Variants in KMT5C observed in about 807,000 individuals in gnomAD.
KMT5C encodes lysine methyltransferase 5C, also known as histone-lysine N-methyltransferase KMT5C.
KMT5C carries 16 observed loss-of-function variants against 38.2 expected under a neutral mutation model. That is an observed-to-expected ratio of 0.42 (90% CI 0.28 to 0.64). The LOEUF is 0.64. KMT5C is among the 30% of genes least tolerant of loss of function. The pLI is 0.23. For missense variants in KMT5C, 598 were observed against 665.1 expected, an observed-to-expected ratio of 0.90 and a Z score of 1.11; for synonymous variants, 291 against 279.0, an observed-to-expected ratio of 1.04 and a Z score of -0.43.
chr19:55,342,724 C>A lies in KMT5C; in HGVS notation c.277-18C>A. 3.5e-6 allele frequency: 5 copies of A among 1,448,510 alleles called. No individual in the cohort carries two copies. The highest frequency in any genetic ancestry group is 4.9e-6 in the Non-Finnish European group (5 of 1,029,830). The allele number at this position is 1,448,510 out of a possible 1,614,324, so 89.7% of individuals were successfully genotyped here. A position where few individuals can be genotyped will look rare whatever the true frequency, so the allele number is the denominator to read the frequency against. On this transcript the variant is annotated intron_variant, in intron 3 of 8. Coordinates refer to ENST00000255613, the MANE Select transcript of KMT5C (RefSeq NM_032701.4). ...TGCCCCTGCCCCGCCTCCTCACCCC[C>A]ACCCTCACCCTCACCAGGTCTATCG...
chr19:55,345,924 T>C, intron 6 of KMT5C: 1 of 465,840 alleles, frequency 2.1e-6, no homozygotes, highest in Non-Finnish European at 3.9e-6. Flanking sequence ...CCACAGAGGC[T>C]GGAGGGAGTG....
At position 55,343,876 on chromosome 19, in the gene KMT5C, G is replaced by T. The variant is rs1018310651; in HGVS notation, c.550+33G>T. The T allele has an allele frequency of 6.2e-7, 1 of 1,610,662 alleles. No individual in the cohort carries two copies. Among genetic ancestry groups the T allele is most frequent in the African/African-American group, 1.3e-5 (1 of 74,858 alleles). ...TCAGGCAGGTGGATGGGCAGGACGG[G>T]ATAGAGCCAGGCAGGGCTGGAGGGG... On this transcript the variant is annotated intron_variant, in intron 5 of 8. Transcript: ENST00000255613. This position sits in a 1 kb window ranked among gnomAD's most constrained non-coding sequence, Gnocchi z 5.5.
At position 55,346,266 on chromosome 19, in the gene KMT5C, G is replaced by T. The variant is rs1413071772; in HGVS notation, c.624G>T (p.Glu208Asp). 2 of 1,614,084 alleles carry T rather than the reference G, an allele frequency of 1.2e-6. No individual in the cohort carries two copies. The highest frequency in any genetic ancestry group is 1.7e-5 in the Admixed American group (1 of 60,024). Residue 208 changes from glutamate (E) to aspartate (D), a missense_variant, in exon 7 of 9, where the codon GAG becomes GAT. By Grantham distance (45) the Glu-to-Asp change is conservative. Transcript: ENST00000255613. ...GCGTGAAGGTGCTCCGGGACATTGAGCCTGGGGACGAGGTGACATGCTTCT... is the reference window on the plus strand; with the variant it reads ...GCGTGAAGGTGCTCCGGGACATTGATCCTGGGGACGAGGTGACATGCTTCT... Reference protein sequence around the residue: ...AACVKVLRDIEPGDEVTCFYG... With the variant: ...AACVKVLRDIDPGDEVTCFYG...
rs1404279509 is a variant in KMT5C, at chr19:55,346,680, A to G, written c.888A>G (p.Pro296=). The change falls in exon 8 of 9, where the codon CCA becomes CCG. Residue 296 remains proline (P), a synonymous_variant. Coordinates refer to ENST00000255613, the MANE Select transcript of KMT5C (RefSeq NM_032701.4). ...ACCCATCCCCGCTGCGCCGGGACCC[A>G]TTCTGCGGTGAGCACCCCTCCCTGC... ...CVHPSPLRRD[P]FCAACQPLRL... 5 of 1,560,196 alleles carry G rather than the reference A, an allele frequency of 3.2e-6. No homozygotes were observed. The African/African-American group carries it at 5.4e-5, about 17-fold the overall frequency.
Position 55,342,575 on chromosome 19 carries a change from G to C in KMT5C, c.277-167G>C, listed in dbSNP as rs565061094. 1,278 of 642,744 alleles carry C rather than the reference G, an allele frequency of 2.0e-3. 3 individuals carry two copies. The highest frequency in any genetic ancestry group is 2.9e-3 in the Non-Finnish European group (1,041 of 363,790). The allele number at this position is 642,744 out of a possible 1,614,324, so 39.8% of individuals were successfully genotyped here. A position where few individuals can be genotyped will look rare whatever the true frequency, so the allele number is the denominator to read the frequency against. On this transcript the variant is annotated intron_variant, in intron 3 of 8. Coordinates refer to ENST00000255613, the MANE Select transcript of KMT5C (RefSeq NM_032701.4). ...AGTTGGGGGGGCCCTCTGAGATGTAGTCCAACCTCTTCATTTGACGGATGA... is the reference window on the plus strand; with the variant it reads ...AGTTGGGGGGGCCCTCTGAGATGTACTCCAACCTCTTCATTTGACGGATGA...
rs1263261810 is a variant in KMT5C, at chr19:55,347,261, G to A, written c.1201G>A (p.Val401Met). The part of the protein sequence containing the change: ...HWARRYGLPY[V>M]VRVDLRRLAP... ...GGCCCGGCGCTATGGGCTGCCTTAC[G>A]TGGTGCGTGTGGACCTTCGTCGCCT... The change falls in exon 9 of 9, where the codon GTG becomes ATG. Residue 401 changes from valine (V) to methionine (M), a missense_variant. Physicochemically the swap from Val to Met is conservative, Grantham distance 21. This residue lies in a region of KMT5C where 326 missense variants were observed against 298.1 expected (regional missense o/e 1.09). Transcript: ENST00000255613. This position sits in a 1 kb window ranked among gnomAD's most constrained non-coding sequence, Gnocchi z 4.6. The A allele has an allele frequency of 1.3e-6, 2 of 1,552,342 alleles. No individual in the cohort carries two copies. The highest frequency in any genetic ancestry group is 1.7e-6 in the Non-Finnish European group (2 of 1,151,464).
At position 55,347,482 on chromosome 19, in the gene KMT5C, G is replaced by A. The variant is rs773792596; in HGVS notation, c.*33G>A. Reference sequence around the variant, plus strand: ...GACGGGGAGGCCCAGCAGGGAGAGAGGGTCTCTCTCCTAGCTGCTACCCAG... The same window carrying A: ...GACGGGGAGGCCCAGCAGGGAGAGAAGGTCTCTCTCCTAGCTGCTACCCAG... On this transcript the variant is annotated 3_prime_UTR_variant, in exon 9 of 9. Transcript: ENST00000255613. This position sits in a 1 kb window ranked among gnomAD's most constrained non-coding sequence, Gnocchi z 4.6. 2.7e-5 allele frequency: 41 copies of A among 1,509,110 alleles called. No homozygotes were observed. The highest frequency in any genetic ancestry group is 4.3e-5 in the Admixed American group (2 of 46,582). 93.5% of individuals were successfully genotyped at this position (1,509,110 alleles called of 1,614,324 possible).
rs543545701 is a variant in KMT5C at position 55,343,359 on chromosome 19, T to C, written c.387-321T>C. 6.3e-4 allele frequency: 243 copies of C among 383,424 alleles called. No individual in the cohort carries two copies. The highest frequency in any genetic ancestry group is 4.4e-3 in the African/African-American group (213 of 48,464). 23.8% of individuals were successfully genotyped at this position (383,424 alleles called of 1,614,324 possible). A position where few individuals can be genotyped will look rare whatever the true frequency, so the allele number is the denominator to read the frequency against. ...CCGCCTGAGGGTCTGGTGGGGCGAG[T>C]AGGGGGTAGTCCAGGCAGGAGGGAT... On this transcript the variant is annotated intron_variant, in intron 4 of 8. Transcript: ENST00000255613. The surrounding 1 kb of genome is among the most constrained non-coding windows in gnomAD (Gnocchi z 5.5).
chr19:55,342,771 G>A lies in KMT5C; in HGVS notation c.306G>A (p.Pro102=), dbSNP rs750916330. ...HVYRYLRAFL[P]ESGFTILPCT... ...ATCGCTACCTCCGTGCCTTCCTGCC[G>A]GAAAGTGGCTTTACCATCCTGCCCT... is the stretch of plus-strand genomic sequence containing the variant. The change falls in exon 4 of 9, where the codon CCG becomes CCA. Residue 102 remains proline (P), a synonymous_variant. Transcript: ENST00000255613. The A allele has an allele frequency of 3.3e-5, 54 of 1,612,454 alleles. 1 individual carries two copies. Among genetic ancestry groups the A allele is most frequent in the Admixed American group, 1.8e-4 (11 of 59,962 alleles).
At position 55,343,669 on chromosome 19, in the gene KMT5C, C is replaced by T. The variant is rs926050455; in HGVS notation, c.387-11C>T. ...CATCGCCCACAGCCCTGCCCCCTGG[C>T]CTCTTGGCAGGAAAAAGAATGAGAA... On this transcript the variant is annotated splice_polypyrimidine_tract_variant and intron_variant, in intron 4 of 8. Transcript: ENST00000255613. The surrounding 1 kb of genome is among the most constrained non-coding windows in gnomAD (Gnocchi z 5.5). 6 of 1,551,636 alleles carry T rather than the reference C, an allele frequency of 3.9e-6. No homozygotes were observed. The highest frequency in any genetic ancestry group is 5.2e-6 in the Non-Finnish European group (6 of 1,147,396).
At chr19:55,345,990 C>A in intron 6 of KMT5C, 1 of 590,878 alleles carries the variant, frequency 1.7e-6, no homozygotes, top group Non-Finnish European at 3.0e-6. Flanking sequence ...CATCGTCCTG[C>A]AGGGAGGGGT....
chr19:55,342,954 G>A, intron 4 of KMT5C, 103 bp downstream of exon 4: 1 of 753,246 alleles, frequency 1.3e-6, no homozygotes, highest in South Asian at 1.5e-5. Context: ...GGAAAAGCGA[G>A]GGGCCTGGTC....
rs2089639743 is a variant in KMT5C at position 55,347,833 on chromosome 19, TA to T, written c.*385del. 5.0e-6 allele frequency: 1 copy of T among 201,986 alleles called. No homozygotes were observed. The highest frequency in any genetic ancestry group is 1.2e-4 in the East Asian group (1 of 8,290). The allele number at this position is 201,986 out of a possible 1,614,324, so 12.5% of individuals were successfully genotyped here. A position where few individuals can be genotyped will look rare whatever the true frequency, so the allele number is the denominator to read the frequency against. ...GCCTCAGGAGGAGGTGGAACTGATGTAGGGGGTGGCACTCCCCAGAGACTGC... is the reference window on the plus strand; with the variant it reads ...GCCTCAGGAGGAGGTGGAACTGATGTGGGGGTGGCACTCCCCAGAGACTGC... On this transcript the variant is annotated 3_prime_UTR_variant, in exon 9 of 9. Transcript: ENST00000255613. The surrounding 1 kb of genome is among the most constrained non-coding windows in gnomAD (Gnocchi z 4.6).
At position 55,341,875 on chromosome 19, in the gene KMT5C, C is replaced by T. The variant is rs902799222; in HGVS notation, c.-62C>T. 9 of 1,338,818 alleles carry T rather than the reference C, an allele frequency of 6.7e-6. No homozygotes were observed. The highest frequency in any genetic ancestry group is 1.7e-5 in the Admixed American group (1 of 58,338). The allele number at this position is 1,338,818 out of a possible 1,614,324, so 82.9% of individuals were successfully genotyped here. A position where few individuals can be genotyped will look rare whatever the true frequency, so the allele number is the denominator to read the frequency against. On this transcript the variant is annotated 5_prime_UTR_variant, in exon 2 of 9. Transcript: ENST00000255613. ...AGTCAGCACCAAGCCAGGCTCCCCG[C>T]GCCTGCCTTGCCCTCACCTGCTCCT...
At position 55,342,856 on chromosome 19, in the gene KMT5C, G is replaced by A; in HGVS notation, c.386+5G>A. Reference sequence around the variant, plus strand: ...GATCGTGTCCACTCGTGCTTGGTAAGAGGGCAGGACTCCCTGCAGGTATCC... The same window carrying A: ...GATCGTGTCCACTCGTGCTTGGTAAAAGGGCAGGACTCCCTGCAGGTATCC... On this transcript the variant is annotated splice_donor_5th_base_variant and intron_variant, in intron 4 of 8. Transcript: ENST00000255613. The A allele has an allele frequency of 2.6e-6, 4 of 1,526,128 alleles. No homozygotes were observed. The highest frequency in any genetic ancestry group is 3.6e-6 in the Non-Finnish European group (4 of 1,099,670). 94.5% of individuals were successfully genotyped at this position (1,526,128 alleles called of 1,614,324 possible). A position where few individuals can be genotyped will look rare whatever the true frequency, so the allele number is the denominator to read the frequency against.
intron 1 of KMT5C, 86 bp from the exon 2 acceptor site, chr19:55,341,708 T>A (rs2089559204): frequency 1.7e-6 from 1 of 572,588 alleles, no homozygotes; most frequent in Non-Finnish European, 3.1e-6. Context: ...GGCTCTGGGC[T>A]TTCCCTACTC....
rs140826378 is a variant in KMT5C at position 55,341,969 on chromosome 19, G to A, written c.33G>A (p.Leu11=). MGPDRVTARE[L]CENDDLATSL... is the part of the protein sequence containing the mutation. ...CCGACAGAGTGACAGCACGAGAACT[G>A]TGCGAGAACGACGACCTGGCCACCA... is the stretch of plus-strand genomic sequence containing the variant. The change falls in exon 2 of 9, where the codon CTG becomes CTA. Residue 11 remains leucine (L), a synonymous_variant. Transcript: ENST00000255613. 1.9e-6 allele frequency: 3 copies of A among 1,613,572 alleles called. No homozygotes were observed. Among genetic ancestry groups the A allele is most frequent in the African/African-American group, 1.3e-5 (1 of 74,920 alleles).
At chr19:55,344,278 T>C (rs1002541054) in intron 6 of KMT5C, 71 of 322,478 alleles carry the variant, frequency 2.2e-4, no homozygotes, top group Non-Finnish European at 3.0e-4. Context: ...AGGAGAATGG[T>C]GTGAACCCGG....
chr19:55,342,170 G>A (rs749406480), intron 2 of KMT5C, 45 bp from the exon 3 acceptor site: 7 of 1,595,192 alleles, frequency 4.4e-6, no homozygotes, highest in African/African-American at 2.7e-5. Flanking sequence ...GGTTGGGGCC[G>A]GGGCCCGGGA....
Sources: gnomAD v4.1 joint callset for allele counts on GRCh38, gnomAD v4.1.1 for gene constraint, gnomAD v4.1.1 regional missense constraint, Gnocchi (gnomAD v3.1) non-coding constraint, MANE v1.5 for transcripts, NCBI Gene and HGNC (gene_info 2026-07-23, HGNC 2026-07-21) for gene names.